BET1: variants seen among roughly 807,000 people sequenced by gnomAD.
BET1 encodes the protein Bet1 golgi vesicular membrane trafficking protein.
A neutral mutation model predicts 13.9 loss-of-function variants in BET1; 9 were observed. That is an observed-to-expected ratio of 0.65 (90% CI 0.39 to 1.13). The LOEUF is 1.13. Ranked by LOEUF, BET1 falls within the 50% of genes most tolerant of loss-of-function variation. The pLI is 0.01. For synonymous variants in BET1, 39 were observed against 47.3 expected (o/e 0.82, Z 0.72); for missense variants, 127 against 133.6 (o/e 0.95, Z 0.24).
downstream of BET1, among the ~76,000 whole-genome samples, chr7:93,989,777 T>A: frequency 6.6e-6 from 1 of 152,230 alleles, no homozygotes; most frequent in East Asian, 1.9e-4. Context: ...TCCCCATTGA[T>A]CTGGTTTAAA....
intron 4 of BET1, among the ~76,000 whole-genome samples, chr7:93,977,126 G>GATT (rs1795349600): frequency 2.0e-5 from 3 of 152,044 alleles, no homozygotes; most frequent in Admixed American, 2.0e-4. Flanking sequence ...TCATAATCTG[G>GATT]ATGAAGTTTC....
rs1795697295 is a variant in BET1, at chr7:93,993,923, T to G, written c.*307A>C. On this transcript the variant is annotated 3_prime_UTR_variant, in exon 4 of 4. Coordinates refer to ENST00000222547, the MANE Select transcript of BET1 (RefSeq NM_005868.6). ...ATGGGACATAAACCTGCATTTATGA[T>G]TACAACAAAATATTATAATGCTATT... 6.5e-7 allele frequency: 1 copy of G among 1,535,354 alleles called. No individual in the cohort carries two copies. Among genetic ancestry groups the G allele is most frequent in the African/African-American group, 1.4e-5 (1 of 73,020 alleles).
intron 5 of BET1, among the ~76,000 whole-genome samples, chr7:93,975,097 G>A (rs1795316133): frequency 6.6e-6 from 1 of 151,962 alleles, no homozygotes; most frequent in Non-Finnish European, 1.5e-5. Context: ...AGTGTCTGTT[G>A]TATCTGATGT....
intron 4 of BET1, among the ~76,000 whole-genome samples, chr7:93,981,532 G>A (rs1039480364): frequency 2.0e-5 from 3 of 152,186 alleles, no homozygotes; most frequent in Non-Finnish European, 2.9e-5. Flanking sequence ...CAGCAAGGCA[G>A]AGAAGAAAGG....
downstream of BET1, chr7:93,991,703 G>A: frequency 3.9e-6 from 3 of 778,698 alleles, no homozygotes; most frequent in Non-Finnish European, 4.7e-6. Flanking sequence ...AGTGTGAATG[G>A]TGGAGCCAGG....
In BET1 at chr7:93,999,517, G is replaced by T. The variant is rs111508629; in HGVS notation, c.20-223C>A. 779 of 517,328 alleles carry T rather than the reference G, an allele frequency of 1.5e-3. 7 individuals are homozygous for T. Among genetic ancestry groups the T allele is most frequent in the African/African-American group, 0.014 (727 of 51,730 alleles). 32.0% of individuals were successfully genotyped at this position (517,328 alleles called of 1,614,324 possible). ...AAGAATATTCAGTTCAGTTCATTTT[G>T]ATACACATTTCTGGATTGCTTATTG... is the stretch of plus-strand genomic sequence containing the variant. On this transcript the variant is annotated intron_variant, in intron 1 of 3. Transcript: ENST00000222547.
At chr7:93,991,346 T>C (rs1795629925), downstream of BET1, among the ~76,000 whole-genome samples, 1 of 152,212 alleles carries the variant, frequency 6.6e-6, no homozygotes, top group Non-Finnish European at 1.5e-5. Flanking sequence ...CTGAAGTTTC[T>C]CTATTAAAAT....
downstream of BET1, chr7:93,993,145 C>T: frequency 1.3e-5 from 13 of 984,504 alleles, no homozygotes; most frequent in Non-Finnish European, 1.4e-5. Context: ...CAAGTTCCAA[C>T]AATACAAATA....
intron 5 of BET1, among the ~76,000 whole-genome samples, chr7:93,975,412 G>A (rs950615855): frequency 2.0e-4 from 30 of 151,994 alleles, no homozygotes; most frequent in African/African-American, 6.3e-4. Context: ...AAGTGCAGAC[G>A]ATTTTTATTT....
rs1562811051 is a variant in BET1, at chr7:94,004,308, G to A, written c.-92C>T. The A allele has an allele frequency of 6.4e-7, 1 of 1,561,628 alleles. No homozygotes were observed. The highest frequency in any genetic ancestry group is 8.8e-7 in the Non-Finnish European group (1 of 1,133,512). On this transcript the variant is annotated 5_prime_UTR_variant, in exon 1 of 4. Coordinates refer to ENST00000222547, the MANE Select transcript of BET1 (RefSeq NM_005868.6). ...ACCCGGACCGCGTCTTCAGTACCAGGGCCCAGCGAAACACCAACTTCTTCC... is the reference window on the plus strand; with the variant it reads ...ACCCGGACCGCGTCTTCAGTACCAGAGCCCAGCGAAACACCAACTTCTTCC...
chr7:93,992,799 T>C, downstream of BET1: 1 of 917,466 alleles, frequency 1.1e-6, no homozygotes, highest in South Asian at 5.0e-5. Context: ...GATGGTGTAA[T>C]GAAGAAATCA....
At chr7:93,999,889 A>G (rs1205814879) in intron 1 of BET1, among the ~76,000 whole-genome samples, 3 of 152,138 alleles carry the variant, frequency 2.0e-5, no homozygotes, top group Non-Finnish European at 4.4e-5. Context: ...TCTTCAACAT[A>G]TATTTGAAGA....
downstream of BET1, among the ~76,000 whole-genome samples, chr7:93,991,505 C>T (rs745719807): frequency 1.3e-4 from 20 of 152,178 alleles, no homozygotes; most frequent in Non-Finnish European, 2.6e-4. Flanking sequence ...TCAGTGCTGT[C>T]ACAATAGTGC....
Position 93,993,978 on chromosome 7 carries a change from A to G in BET1, c.*252T>C, listed in dbSNP as rs1395525746. ...CTGACAGTTGGCAAACAATAGAAAA[A>G]CAAACTGGAAATTAGTGGAGCCACA... On this transcript the variant is annotated 3_prime_UTR_variant, in exon 4 of 4. Coordinates refer to ENST00000222547, the MANE Select transcript of BET1 (RefSeq NM_005868.6). 1 of 1,531,724 alleles carries G rather than the reference A, an allele frequency of 6.5e-7. No individual in the cohort carries two copies. The highest frequency in any genetic ancestry group is 8.7e-7 in the Non-Finnish European group (1 of 1,145,204). The allele number at this position is 1,531,724 out of a possible 1,614,324, so 94.9% of individuals were successfully genotyped here.
intron 4 of BET1, among the ~76,000 whole-genome samples, chr7:93,981,312 C>A (rs998085833): frequency 2.6e-5 from 4 of 152,138 alleles, no homozygotes; most frequent in Non-Finnish European, 5.9e-5. Context: ...CATTGAATTG[C>A]TTTTTATCAT....
At chr7:93,993,073 CA>C (rs376326490), downstream of BET1, 100 of 980,234 alleles carry the variant, frequency 1.0e-4, 1 homozygote, top group African/African-American at 1.6e-3. Context: ...ATTCATAACC[CA>C]AAATATAAAG....
chr7:93,976,333 A>G (rs1327053404), intron 4 of BET1, among the ~76,000 whole-genome samples: 2 of 142,056 alleles, frequency 1.4e-5, no homozygotes, highest in Non-Finnish European at 3.0e-5. Context: ...CATTTTAAAG[A>G]TATCTACTTA....
chr7:93,996,089 T>C, intron 3 of BET1, 176 bp downstream of exon 3: 1 of 563,802 alleles, frequency 1.8e-6, no homozygotes, highest in Non-Finnish European at 3.1e-6. Flanking sequence ...TAAGACGAGA[T>C]GAAAAATGCA....
At chr7:93,995,489 A>G (rs1294600821) in intron 3 of BET1, among the ~76,000 whole-genome samples, 2 of 152,150 alleles carry the variant, frequency 1.3e-5, no homozygotes, top group Non-Finnish European at 2.9e-5. Context: ...ATCACCGGAG[A>G]TGCTTTTTCA....
Sources: gnomAD v4.1 joint callset for allele counts (sites outside exome capture counted in the v4.1 genomes callset) on GRCh38, gnomAD v4.1.1 for gene constraint, MANE v1.5 for transcripts, NCBI Gene and HGNC (gene_info 2026-07-23, HGNC 2026-07-21) for gene names.